Variants in ZNF761 observed in about 807,000 individuals in gnomAD.
ZNF761 encodes zinc finger protein 761.
Under a neutral mutation model 59.9 loss-of-function variants are expected in ZNF761, and 43 were observed. The ratio of observed to expected loss-of-function variants is 0.72; its 90% CI spans 0.56 to 0.92. The LOEUF (loss-of-function observed/expected upper bound fraction) is 0.92. Ranked by LOEUF, ZNF761 falls within the 40% of genes least tolerant of loss-of-function variation. ZNF761 has a pLI of 0.00. For synonymous variants in ZNF761, 294 were observed against 304.8 expected, an observed-to-expected ratio of 0.96 and a Z score of 0.37; for missense variants, 850 against 906.1, an observed-to-expected ratio of 0.94 and a Z score of 0.79.
At position 53,456,576 on chromosome 19, in the gene ZNF761, A is replaced by G. The variant is rs555909998; in HGVS notation, c.2069A>G (p.Tyr690Cys). Residue 690 changes from tyrosine (Y) to cysteine (C), a missense_variant, in exon 5 of 5, where the codon TAT (tyrosine) becomes TGT (cysteine). Transcript: ENST00000684525. ...AGACTTCATACTGGAGAGAAACCTT[A>G]TAAGTGTAATGAGTGTGGCAAGAAC... ...HHRLHTGEKP[Y>C]KCNECGKNFS... 12 of 1,612,150 alleles carry G rather than the reference A, an allele frequency of 7.4e-6. No individual in the cohort carries two copies. Among genetic ancestry groups the G allele is most frequent in the Non-Finnish European group, 8.5e-6 (10 of 1,178,750 alleles).
rs754064060 is a variant in ZNF761, at chr19:53,455,763, A to G, written c.1256A>G (p.Tyr419Cys). 7 of 1,612,748 alleles carry G rather than the reference A, an allele frequency of 4.3e-6. No homozygotes were observed. Among genetic ancestry groups the G allele is most frequent in the African/African-American group, 1.3e-5 (1 of 74,446 alleles). The change falls in exon 5 of 5, where the codon TAC becomes TGC. Residue 419 changes from tyrosine (Y) to cysteine (C), a missense_variant. Coordinates refer to ENST00000684525, the MANE Select transcript of ZNF761 (RefSeq NM_001289951.2). The stretch of plus-strand genomic sequence containing the variant: ...AAATGTGAAGAATGTGACAAAGCTT[A>G]CAGTTTCAGATCAAATTTTGAAATA... ...PYKCEECDKA[Y>C]SFRSNFEIHR...
rs1133126 is a variant in ZNF761 at position 53,439,150 on chromosome 19, A to G, written c.-184-7077A>G. ...GGCAGCCATGGTGGCAGGCGCCTGT[A>G]ATCCCAGCTACCCAGGAGGCAAAGG... On this transcript the variant is annotated intron_variant, in intron 1 of 4. Transcript: ENST00000684525. Among the ~76,000 whole-genome samples the G allele has an allele frequency of 5.9e-5, 9 of 152,006 alleles. No homozygotes were observed. In the South Asian group the frequency reaches 1.2e-3, roughly 21 times the overall value.
intron 1 of ZNF761, among the ~76,000 whole-genome samples, chr19:53,438,797 G>A (rs2086068836): frequency 6.6e-6 from 1 of 152,254 alleles, no homozygotes; most frequent in Non-Finnish European, 1.5e-5. Flanking sequence ...GAAAATTTGG[G>A]CTTTCTTTTT....
intron 1 of ZNF761, among the ~76,000 whole-genome samples, chr19:53,438,059 C>T (rs1300380906): frequency 2.7e-5 from 3 of 110,954 alleles, no homozygotes; most frequent in Non-Finnish European, 6.1e-5. Context: ...AGATCTTTCT[C>T]ATTGGGAAAT....
chr19:53,455,509 C>T lies in ZNF761; in HGVS notation c.1002C>T (p.Thr334=), dbSNP rs1405073157. 4 of 1,612,840 alleles carry T rather than the reference C, an allele frequency of 2.5e-6. No individual in the cohort carries two copies. The highest frequency in any genetic ancestry group is 3.4e-6 in the Non-Finnish European group (4 of 1,179,552). The change falls in exon 5 of 5, where the codon ACC becomes ACT. Residue 334 remains threonine (T), a synonymous_variant. Transcript: ENST00000684525. ...KPYKCNECGK[T]FRQKSILTRH... ...ATAAGTGTAATGAGTGTGGCAAGAC[C>T]TTTAGGCAGAAGTCAATCCTTACAC...
chr19:53,452,270 T>C (rs57732563), intron 4 of ZNF761, among the ~76,000 whole-genome samples: 1 of 152,098 alleles, frequency 6.6e-6, no homozygotes, highest in Non-Finnish European at 1.5e-5. Flanking sequence ...ATCACCTGAT[T>C]TCAGGAGTTC....
intron 1 of ZNF761, chr19:53,442,334 T>C: frequency 4.3e-6 from 5 of 1,153,708 alleles, no homozygotes; most frequent in Non-Finnish European, 1.3e-6. Context: ...GAGAGATGGA[T>C]GAGCAGATCA....
At chr19:53,444,165 G>A (rs1298036065) in intron 1 of ZNF761, 1 of 152,222 alleles carries the variant, frequency 6.6e-6, no homozygotes, top group Non-Finnish European at 1.5e-5. Context: ...GGAAGGGAAA[G>A]ACCTGACTGT....
chr19:53,446,052 T>TA (rs1452652468), intron 1 of ZNF761, among the ~76,000 whole-genome samples, 175 bp from the exon 2 acceptor site: 1 of 152,230 alleles, frequency 6.6e-6, no homozygotes, highest in East Asian at 1.9e-4. Flanking sequence ...CCTATGTCCC[T>TA]AAATGATCAC....
intron 4 of ZNF761, 72 bp downstream of exon 4, chr19:53,449,710 A>G: frequency 6.3e-7 from 1 of 1,589,120 alleles, no homozygotes; most frequent in South Asian, 1.1e-5. Flanking sequence ...GTTTTTAGAT[A>G]CAGTGTCTTG....
At chr19:53,440,532 C>T (rs2086087375) in intron 1 of ZNF761, among the ~76,000 whole-genome samples, 1 of 152,092 alleles carries the variant, frequency 6.6e-6, no homozygotes, top group Non-Finnish European at 1.5e-5. Context: ...GGTCAGCTTC[C>T]ACTTGGAATC....
At chr19:53,449,871 C>T (rs1212926662) in intron 4 of ZNF761, 56 of 934,476 alleles carry the variant, frequency 6.0e-5, no homozygotes, top group Non-Finnish European at 8.5e-5. Context: ...AGTTTGTTTT[C>T]TTTCCAGACA....
At chr19:53,440,756 G>T (rs1156987593) in intron 1 of ZNF761, among the ~76,000 whole-genome samples, 1 of 152,164 alleles carries the variant, frequency 6.6e-6, no homozygotes, top group East Asian at 1.9e-4. Flanking sequence ...TCTAACTGCA[G>T]CCTCGACCTC....
At position 53,456,674 on chromosome 19, in the gene ZNF761, T is replaced by C; in HGVS notation, c.2167T>C (p.Cys723Arg). Residue 723 changes from cysteine (C) to arginine (R), a missense_variant, in exon 5 of 5, where the codon TGT becomes CGT. By Grantham distance (180) the Cys-to-Arg change is radical. Coordinates refer to ENST00000684525, the MANE Select transcript of ZNF761 (RefSeq NM_001289951.2). ...TGEKPYKCNECGKTFSQKSNL... is the reference protein window; with the variant it reads ...TGEKPYKCNERGKTFSQKSNL... The stretch of plus-strand genomic sequence containing the variant: ...AGAGAAACCTTACAAGTGTAATGAG[T>C]GTGGCAAGACCTTTAGTCAGAAGTC... 1 of 1,613,962 alleles carries C rather than the reference T, an allele frequency of 6.2e-7. No individual in the cohort carries two copies. The highest frequency in any genetic ancestry group is 1.3e-5 in the African/African-American group (1 of 74,998).
At chr19:53,450,734 C>T (rs1206981241) in intron 4 of ZNF761, among the ~76,000 whole-genome samples, 3 of 152,184 alleles carry the variant, frequency 2.0e-5, no homozygotes, top group Non-Finnish European at 4.4e-5. Flanking sequence ...CAGTGGCTCA[C>T]GCCTGTAATC....
chr19:53,432,900 A>T (rs1406401400), intron 1 of ZNF761, among the ~76,000 whole-genome samples: 1 of 151,718 alleles, frequency 6.6e-6, no homozygotes, highest in Non-Finnish European at 1.5e-5. Context: ...GACAGCAAAG[A>T]GGGAGGCTCA....
In ZNF761 at chr19:53,457,064, GA is replaced by G. The variant is rs2086279248; in HGVS notation, c.*319del. ...AACATGCTAGAATTCACACTGGAGA[GA>G]AACCTTACCAGTGTAATGAGTGTGG... On this transcript the variant is annotated 3_prime_UTR_variant, in exon 5 of 5. Coordinates refer to ENST00000684525, the MANE Select transcript of ZNF761 (RefSeq NM_001289951.2). 4.8e-6 allele frequency: 3 copies of G among 630,894 alleles called. No homozygotes were observed. In the South Asian group the frequency reaches 5.0e-5, roughly 10 times the overall value. 39.1% of individuals were successfully genotyped at this position (630,894 alleles called of 1,614,324 possible).
At chr19:53,436,570 G>A (rs1262215562) in intron 1 of ZNF761, among the ~76,000 whole-genome samples, 1 of 152,222 alleles carries the variant, frequency 6.6e-6, no homozygotes, top group Non-Finnish European at 1.5e-5. Flanking sequence ...TATTTCTTCA[G>A]TAGCTGCTTG....
chr19:53,455,013 A>G lies in ZNF761; in HGVS notation c.506A>G (p.His169Arg). ...GATAATCAAGTTGTGAAGTCTGTCC[A>G]CGATGCTTCCTTGGTTTCAACAGCC... ...KIDNQVVKSV[H>R]DASLVSTAQR... Residue 169 changes from histidine to arginine, a missense_variant, in exon 5 of 5, where the codon CAC (histidine) becomes CGC (arginine). Transcript: ENST00000684525. 1.2e-6 allele frequency: 2 copies of G among 1,614,174 alleles called. No individual in the cohort carries two copies. The highest frequency in any genetic ancestry group is 2.2e-5 in the East Asian group (1 of 44,878).
Sources: allele counts gnomAD v4.1 joint callset (sites outside exome capture counted in the v4.1 genomes callset), GRCh38; gene constraint gnomAD v4.1.1; transcripts MANE v1.5; gene names NCBI Gene and HGNC (gene_info 2026-07-23, HGNC 2026-07-21).